PCDHA1: variants seen among roughly 807,000 people sequenced by gnomAD.
PCDHA1 encodes protocadherin alpha 1, also known as protocadherin alpha-1.
A neutral mutation model predicts 61.3 loss-of-function variants in PCDHA1; 42 were observed. That is an observed-to-expected ratio of 0.69 (90% confidence interval 0.54 to 0.89). PCDHA1 has a LOEUF of 0.89. Ranked by LOEUF, PCDHA1 falls within the 40% of genes least tolerant of loss-of-function variation. PCDHA1 has a pLI of 0.00. For synonymous variants in PCDHA1, 610 were observed against 553.8 expected (o/e 1.10, Z -1.43); for missense variants, 1,256 against 1,235.3 (o/e 1.02, Z -0.25).
chr5:140,909,268 A>C (rs946921668), intron 1 of PCDHA1, among the ~76,000 whole-genome samples: 1 of 152,240 alleles, frequency 6.6e-6, no homozygotes. Context: ...ACTGAAGGCA[A>C]ATTGCTTCTG....
At chr5:140,957,191 T>C (rs1302296413) in intron 1 of PCDHA1, among the ~76,000 whole-genome samples, 1 of 152,150 alleles carries the variant, frequency 6.6e-6, no homozygotes, top group Non-Finnish European at 1.5e-5. Flanking sequence ...TGATGACCGA[T>C]TGGGAATATA....
intron 1 of PCDHA1, among the ~76,000 whole-genome samples, chr5:140,798,578 T>C (rs1283080104): frequency 6.6e-6 from 1 of 152,188 alleles, no homozygotes; most frequent in Non-Finnish European, 1.5e-5. Context: ...CTGCAGAGAT[T>C]GACTACTTTT....
chr5:140,858,302 A>T, intron 1 of PCDHA1: 1 of 1,597,158 alleles, frequency 6.3e-7, no homozygotes, highest in South Asian at 1.1e-5. Context: ...CTCGCAGCAG[A>T]GGCGGCAGAG....
At chr5:140,843,004 C>A (rs782142006) in intron 1 of PCDHA1, 1 of 1,595,032 alleles carries the variant, frequency 6.3e-7, no homozygotes, top group African/African-American at 1.3e-5. Flanking sequence ...AGAATGACAA[C>A]GCGCCGGCAC....
chr5:140,873,086 C>T (rs984385666), intron 1 of PCDHA1, among the ~76,000 whole-genome samples: 6 of 152,122 alleles, frequency 3.9e-5, no homozygotes, highest in African/African-American at 9.7e-5. Context: ...ATTTCCCCCC[C>T]GTATAGAGGC....
intron 1 of PCDHA1, chr5:140,808,876 A>G (rs782501208): frequency 2.5e-6 from 4 of 1,613,190 alleles, no homozygotes; most frequent in East Asian, 4.5e-5. Context: ...ACAACGCGCC[A>G]GCACTGCTAG....
chr5:140,823,848 C>G, intron 1 of PCDHA1: 1 of 1,613,852 alleles, frequency 6.2e-7, no homozygotes, highest in Non-Finnish European at 8.5e-7. Context: ...CCGAGGCTGC[C>G]CTGGTGGATG....
At position 140,871,031 on chromosome 5, in the gene PCDHA1, G is replaced by A. The variant is rs543880939; in HGVS notation, c.2394+82347G>A. ...GCCCTGGACGAGGCAGACTCGCCGC[G>A]CCACCGACTTCTAGTACTGGTGAAG... is the stretch of plus-strand genomic sequence containing the variant. On this transcript the variant is annotated intron_variant, in intron 1 of 3. Coordinates refer to ENST00000504120, the MANE Select transcript of PCDHA1 (RefSeq NM_018900.4). 3.2e-5 allele frequency: 52 copies of A among 1,613,210 alleles called. 1 individual carries two copies. In the South Asian group the frequency reaches 4.7e-4, roughly 15 times the overall value.
intron 3 of PCDHA1, chr5:140,988,920 AACAAC>A (rs1245893791): frequency 6.6e-6 from 1 of 152,174 alleles, no homozygotes; most frequent in Non-Finnish European, 1.5e-5. Context: ...AGGAGAATAG[AACAAC>A]ACTGTTCTCT....
chr5:140,803,624 T>C, intron 1 of PCDHA1: 1 of 1,613,994 alleles, frequency 6.2e-7, no homozygotes, highest in Non-Finnish European at 8.5e-7. Context: ...TTCCAAAATG[T>C]CTTTGTTTTT....
chr5:140,883,954 T>A (rs2059908896), intron 1 of PCDHA1: 1 of 1,612,680 alleles, frequency 6.2e-7, no homozygotes, highest in Non-Finnish European at 8.5e-7. Flanking sequence ...ACGACAACGC[T>A]CCGGCGCTGC....
intron 1 of PCDHA1, chr5:140,857,559 C>G (rs550275293): frequency 2.5e-6 from 4 of 1,596,876 alleles, no homozygotes; most frequent in Non-Finnish European, 3.4e-6. Context: ...CGCTCGCTGT[C>G]GAGCTACGTG....
intron 1 of PCDHA1, among the ~76,000 whole-genome samples, chr5:140,914,220 C>A (rs1210445622): frequency 6.6e-6 from 1 of 152,212 alleles, no homozygotes; most frequent in South Asian, 2.1e-4. Flanking sequence ...TCTCTTTTAG[C>A]TCTAATACTA....
At chr5:140,823,516 C>A in intron 1 of PCDHA1, 7 of 1,613,468 alleles carry the variant, frequency 4.3e-6, no homozygotes, top group Non-Finnish European at 5.9e-6. Flanking sequence ...CGAGCTGGTG[C>A]CGAGGTCAGT....
At chr5:140,966,470 T>G (rs782674249) in intron 1 of PCDHA1, 26 of 431,180 alleles carry the variant, frequency 6.0e-5, no homozygotes, top group Non-Finnish European at 9.3e-5. Context: ...TCTTCCCTTC[T>G]GTTTCCTTTT....
At chr5:140,824,255 G>A in intron 1 of PCDHA1, 2 of 1,376,076 alleles carry the variant, frequency 1.5e-6, no homozygotes, top group Non-Finnish European at 2.0e-6. Context: ...CACAATTATT[G>A]CACTAATTCA....
intron 2 of PCDHA1, among the ~76,000 whole-genome samples, chr5:140,979,752 G>A (rs1048851264): frequency 4.6e-5 from 7 of 152,138 alleles, no homozygotes; most frequent in South Asian, 2.1e-4. Context: ...CATTATTTGC[G>A]AATGTCTTTG....
chr5:140,869,288 G>A lies in PCDHA1; in HGVS notation c.2394+80604G>A, dbSNP rs950790626. 6.2e-6 allele frequency: 10 copies of A among 1,613,460 alleles called. No individual in the cohort carries two copies. The highest frequency in any genetic ancestry group is 1.7e-5 in the Admixed American group (1 of 59,996). On this transcript the variant is annotated intron_variant, in intron 1 of 3. Coordinates refer to ENST00000504120, the MANE Select transcript of PCDHA1 (RefSeq NM_018900.4). ...CTGGAGCTGGCGGAGCTGGTGCAGC[G>A]CCTGTTCCGGGTGGCGTCCAAAACA...
intron 1 of PCDHA1, among the ~76,000 whole-genome samples, chr5:140,902,760 T>G (rs887357298): frequency 1.4e-4 from 22 of 152,038 alleles, no homozygotes; most frequent in African/African-American, 5.3e-4. Context: ...ATCATTCTTA[T>G]GTCTTTGCAT....
Sources: gnomAD v4.1 joint callset for allele counts (sites outside exome capture counted in the v4.1 genomes callset) on GRCh38, gnomAD v4.1.1 for gene constraint, MANE v1.5 for transcripts, NCBI Gene and HGNC (gene_info 2026-07-23, HGNC 2026-07-21) for gene names.